Variants in HSD17B12 observed in about 807,000 individuals in gnomAD.
HSD17B12 encodes very-long-chain 3-oxoacyl-CoA reductase.
In HSD17B12, 32 loss-of-function variants were observed where a neutral mutation model predicts 39.3. The observed-to-expected ratio is 0.81, with a 90% confidence interval of 0.61 to 1.09. HSD17B12 has a LOEUF of 1.09. HSD17B12 is among the 50% of genes least tolerant of loss of function. The pLI, the probability that HSD17B12 is intolerant of heterozygous loss-of-function variation, is 0.00. For synonymous variants in HSD17B12, 150 were observed against 146.7 expected (o/e 1.02, Z -0.16); for missense variants, 342 against 382.9 (o/e 0.89, Z 0.89).
At chr11:43,584,533 A>G in the HSD17B12 span, 1 of 152,258 alleles carries the variant, frequency 6.6e-6, no homozygotes, top group Non-Finnish European at 1.5e-5. Context: ...CAGCAGAGTA[A>G]CCCTGCCTAT....
intron 1 of HSD17B12, among the ~76,000 whole-genome samples, chr11:43,685,768 A>G (rs1271945850): frequency 6.6e-6 from 1 of 152,226 alleles, no homozygotes; most frequent in African/African-American, 2.4e-5. Context: ...AGATTTCTTT[A>G]TACCTACAAA....
intron 1 of HSD17B12, among the ~76,000 whole-genome samples, chr11:43,736,105 A>G (rs1950314014): frequency 6.6e-6 from 1 of 152,194 alleles, no homozygotes; most frequent in Admixed American, 6.5e-5. Flanking sequence ...ATTTTTAAAG[A>G]GGATGTGGCA....
chr11:43,711,107 T>C (rs1374790653), intron 1 of HSD17B12, among the ~76,000 whole-genome samples: 1 of 152,170 alleles, frequency 6.6e-6, no homozygotes, highest in Non-Finnish European at 1.5e-5. Flanking sequence ...TGTCATTCTT[T>C]TTAAAGTAGG....
chr11:43,642,096 T>C, the HSD17B12 span, among the ~76,000 whole-genome samples: 2 of 151,784 alleles, frequency 1.3e-5, no homozygotes, highest in Non-Finnish European at 3.0e-5. Flanking sequence ...CGTATAAATA[T>C]TTTTTAAATC....
intron 1 of HSD17B12, among the ~76,000 whole-genome samples, chr11:43,722,755 A>T (rs1950186811): frequency 6.6e-6 from 1 of 152,142 alleles, no homozygotes; most frequent in African/African-American, 2.4e-5. Context: ...AGGCTGAGGC[A>T]GGAGAATTGC....
intron 1 of HSD17B12, among the ~76,000 whole-genome samples, chr11:43,721,823 T>C (rs546798392): frequency 3.3e-5 from 5 of 152,166 alleles, no homozygotes; most frequent in East Asian, 1.9e-4. Context: ...TGGGAAGTCA[T>C]TGAAGGAATT....
At chr11:43,693,676 A>C (rs1215166293) in intron 1 of HSD17B12, among the ~76,000 whole-genome samples, 2 of 152,228 alleles carry the variant, frequency 1.3e-5, no homozygotes, top group East Asian at 1.9e-4. Flanking sequence ...AAAAGAATAT[A>C]GTATTTTTTA....
At chr11:43,616,334 G>A in the HSD17B12 span, among the ~76,000 whole-genome samples, 22 of 149,914 alleles carry the variant, frequency 1.5e-4, no homozygotes, top group East Asian at 4.2e-3. Context: ...CTTGAACCTG[G>A]GAGGCAGAGG....
chr11:43,602,549 T>C, the HSD17B12 span, among the ~76,000 whole-genome samples: 2 of 152,194 alleles, frequency 1.3e-5, no homozygotes, highest in Non-Finnish European at 1.5e-5. Context: ...CCCACTGCTA[T>C]ATCCTCACTG....
chr11:43,670,929 A>G, the HSD17B12 span, among the ~76,000 whole-genome samples: 1 of 152,164 alleles, frequency 6.6e-6, no homozygotes, highest in African/African-American at 2.4e-5. Flanking sequence ...AAAGGAAAGA[A>G]CTAGGCAAAA....
intron 1 of HSD17B12, among the ~76,000 whole-genome samples, chr11:43,747,209 A>G (rs1455611884): frequency 6.6e-6 from 1 of 152,236 alleles, no homozygotes; most frequent in Non-Finnish European, 1.5e-5. Context: ...TTGCCTAGCA[A>G]GGAGACTAGA....
At chr11:43,847,979 C>T (rs1951493744) in intron 9 of HSD17B12, among the ~76,000 whole-genome samples, 1 of 152,070 alleles carries the variant, frequency 6.6e-6, no homozygotes, top group African/African-American at 2.4e-5. Context: ...TATTTTATTG[C>T]TTAGGGTATT....
the HSD17B12 span, among the ~76,000 whole-genome samples, chr11:43,626,371 A>G: frequency 1.6e-3 from 243 of 151,998 alleles, no homozygotes; most frequent in Non-Finnish European, 2.5e-3. Flanking sequence ...TAGTTGGAAT[A>G]TAAACCTTCT....
chr11:43,830,962 T>C lies in HSD17B12; in HGVS notation c.502-14T>C, dbSNP rs749466470. ...TCCTTGGCCATCATGAATGTTTTGCTTTCTCTCTTGCAGATGACACAATTG... is the reference window on the plus strand; with the variant it reads ...TCCTTGGCCATCATGAATGTTTTGCCTTCTCTCTTGCAGATGACACAATTG... On this transcript the variant is annotated splice_polypyrimidine_tract_variant and intron_variant, in intron 6 of 10. Transcript: ENST00000278353. 2 of 1,608,362 alleles carry C rather than the reference T, an allele frequency of 1.2e-6. No homozygotes were observed. Among genetic ancestry groups the C allele is most frequent in the East Asian group, 2.2e-5 (1 of 44,480 alleles).
the HSD17B12 span, among the ~76,000 whole-genome samples, chr11:43,611,909 T>C: frequency 6.6e-6 from 1 of 152,238 alleles, no homozygotes; most frequent in African/African-American, 2.4e-5. Flanking sequence ...CATCATTGTA[T>C]ACTGACTCTG....
chr11:43,826,113 C>T lies in HSD17B12; in HGVS notation c.502-4863C>T, dbSNP rs1314963587. On this transcript the variant is annotated intron_variant, in intron 6 of 10. Transcript: ENST00000278353. The stretch of plus-strand genomic sequence containing the variant: ...TTTTTTTTTTTTTGAGACGGAGTCT[C>T]ACTCTGTCGCCAAGGCTGGAGTGCA... Among the ~76,000 whole-genome samples the T allele has an allele frequency of 2.9e-5, 4 of 135,836 alleles. No individual in the cohort carries two copies. The East Asian group carries it at 8.6e-4, about 29-fold the overall frequency. The allele number at this position is 135,836 out of a possible 152,430, so 89.1% of individuals were successfully genotyped here.
At chr11:43,696,419 G>A (rs574894619) in intron 1 of HSD17B12, among the ~76,000 whole-genome samples, 7 of 152,160 alleles carry the variant, frequency 4.6e-5, no homozygotes, top group Admixed American at 1.3e-4. Flanking sequence ...TGAAAAAAGC[G>A]CAACATCACT....
chr11:43,680,418 T>G (rs993481474), upstream of HSD17B12: 1 of 220,214 alleles, frequency 4.5e-6, no homozygotes, highest in Non-Finnish European at 9.4e-6. Flanking sequence ...GCGGCTTCTC[T>G]GATCCCATTT....
the HSD17B12 span, among the ~76,000 whole-genome samples, chr11:43,654,790 T>A: frequency 6.6e-6 from 1 of 152,234 alleles, no homozygotes; most frequent in African/African-American, 2.4e-5. Flanking sequence ...GCTGTTTTGG[T>A]TACTGTAGCC....
Sources: allele counts gnomAD v4.1 joint callset (sites outside exome capture counted in the v4.1 genomes callset), GRCh38; gene constraint gnomAD v4.1.1; transcripts MANE v1.5; gene names NCBI Gene and HGNC (gene_info 2026-07-23, HGNC 2026-07-21).